The following FRG2 variants were observed in gnomAD, a reference collection of about 807,000 sequenced individuals.
FRG2 encodes the protein FSHD region gene 2.
Under a neutral mutation model 24.9 loss-of-function variants are expected in FRG2, and 9 were observed. That is an observed-to-expected ratio of 0.36 (90% CI 0.22 to 0.63). The LOEUF is 0.63. Ranked by LOEUF, FRG2 falls within the 20% of genes least tolerant of loss-of-function variation. FRG2 has a pLI of 0.68. For synonymous variants in FRG2, 51 were observed against 117.2 expected, an observed-to-expected ratio of 0.44 and a Z score of 3.65; for missense variants, 126 against 305.4, an observed-to-expected ratio of 0.41 and a Z score of 4.38.
In FRG2 at chr4:190,024,898, A is replaced by G. The variant is rs1432281105; in HGVS notation, c.*663T>C. 1 of 144,026 alleles carries G rather than the reference A, an allele frequency of 6.9e-6. No homozygotes were observed. 8.9% of individuals were successfully genotyped at this position (144,026 alleles called of 1,614,324 possible). A position where few individuals can be genotyped will look rare whatever the true frequency, so the allele number is the denominator to read the frequency against. On this transcript the variant is annotated 3_prime_UTR_variant, in exon 4 of 4. Transcript: ENST00000504750. ...CCTTTTCTGGATTAAAAGAGAAGCA[A>G]TTTCTTGGTAAGGCGGCTCATGCCT...
In FRG2 at chr4:190,025,739, T is replaced by G. The variant is rs1739501699; in HGVS notation, c.662A>C (p.Gln221Pro). 2 of 1,605,804 alleles carry G rather than the reference T, an allele frequency of 1.2e-6. No homozygotes were observed. The highest frequency in any genetic ancestry group is 1.7e-6 in the Non-Finnish European group (2 of 1,176,836). The change falls in exon 4 of 4, where the codon CAG (glutamine) becomes CCG (proline). Residue 221 changes from glutamine to proline, a missense_variant. Coordinates refer to ENST00000504750, the MANE Select transcript of FRG2 (RefSeq NM_001286820.2). ...LTRLRGPLCA[Q>P]VQTLYSMATQ... ...GGCCATGGAATACAAGGTCTGCACCTGGGCACACAGAGGCCCCCGGAGCCG... is the reference window on the plus strand; with the variant it reads ...GGCCATGGAATACAAGGTCTGCACCGGGGCACACAGAGGCCCCCGGAGCCG...
Position 190,025,954 on chromosome 4 carries a change from A to T in FRG2, c.447T>A (p.His149Gln). ...QETCDAHHRG[H>Q]SRACTGHSKR... ...TGCTGTGCCCAGTGCAAGCCCTGGA[A>T]TGTCCCCTATGGTGGGCATCACAGG... is the stretch of plus-strand genomic sequence containing the variant. The change falls in exon 4 of 4, where the codon CAT (histidine) becomes CAA (glutamine). Residue 149 changes from histidine (H) to glutamine (Q), a missense_variant. Around this residue, in one of 4 missense-constraint regions of FRG2, gnomAD observed 75 missense variants for 89.1 expected, o/e 0.84. Coordinates refer to ENST00000504750, the MANE Select transcript of FRG2 (RefSeq NM_001286820.2). 6.2e-7 allele frequency: 1 copy of T among 1,614,042 alleles called. No homozygotes were observed. Among genetic ancestry groups the T allele is most frequent in the South Asian group, 1.1e-5 (1 of 91,080 alleles).
chr4:190,026,081 T>C lies in FRG2; in HGVS notation c.335-15A>G. ...TGGACAGTTCCCTGCAAAGAAAGCA[T>C]GTGAGAGACTCACCAGAGCAGTCCC... On this transcript the variant is annotated splice_polypyrimidine_tract_variant and intron_variant, in intron 3 of 3. Coordinates refer to ENST00000504750, the MANE Select transcript of FRG2 (RefSeq NM_001286820.2). 1 of 1,593,412 alleles carries C rather than the reference T, an allele frequency of 6.3e-7. No individual in the cohort carries two copies. Among genetic ancestry groups the C allele is most frequent in the South Asian group, 1.1e-5 (1 of 88,408 alleles).
chr4:190,026,328 G>A, intron 3 of FRG2, 56 bp downstream of exon 3: 4 of 1,602,378 alleles, frequency 2.5e-6, no homozygotes, highest in Non-Finnish European at 3.4e-6. Context: ...TTGCCTTTTG[G>A]GGCAAACCAA....
In FRG2 at chr4:190,025,882, T is replaced by C; in HGVS notation, c.519A>G (p.Arg173=). The C allele has an allele frequency of 6.2e-7, 1 of 1,614,016 alleles. No individual in the cohort carries two copies. Among genetic ancestry groups the C allele is most frequent in the East Asian group, 2.2e-5 (1 of 44,894 alleles). Residue 173 remains arginine, a synonymous_variant, in exon 4 of 4, where the codon CGA becomes CGG. Transcript: ENST00000504750. ...CTCGCACAGAAGTCACCAAGCTTTT[T>C]CGAATTGACGGTGTTTGGACTCCTA... The part of the protein sequence containing the change: ...RALGVQTPSI[R]KSLVTSVRAM...
chr4:190,025,924 C>A lies in FRG2; in HGVS notation c.477G>T (p.Arg159=), dbSNP rs1270001926. The A allele has an allele frequency of 1.6e-5, 26 of 1,614,032 alleles. No homozygotes were observed. Among genetic ancestry groups the A allele is most frequent in the Non-Finnish European group, 2.1e-5 (25 of 1,179,884 alleles). Residue 159 remains arginine (R), a synonymous_variant, in exon 4 of 4, where the codon CGG becomes CGT. Transcript: ENST00000504750. The stretch of plus-strand genomic sequence containing the variant: ...GGACTCCTAGGGCCCGAGACCTATG[C>A]CGCTTGCTGTGCCCAGTGCAAGCCC... The part of the protein sequence containing the change: ...HSRACTGHSK[R]HRSRALGVQT...
Position 190,025,974 on chromosome 4 carries a change from C to T in FRG2, c.427G>A (p.Asp143Asn). 6.2e-7 allele frequency: 1 copy of T among 1,614,032 alleles called. No individual in the cohort carries two copies. Among genetic ancestry groups the T allele is most frequent in the Middle Eastern group, 1.7e-4 (1 of 6,056 alleles). The change falls in exon 4 of 4, where the codon GAT becomes AAT. Residue 143 changes from aspartate to asparagine, a missense_variant. Around this residue, in one of 4 missense-constraint regions of FRG2, gnomAD observed 75 missense variants for 89.1 expected, o/e 0.84. Coordinates refer to ENST00000504750, the MANE Select transcript of FRG2 (RefSeq NM_001286820.2). Reference protein sequence around the residue: ...VHNSEIQETCDAHHRGHSRAC... With the variant: ...VHNSEIQETCNAHHRGHSRAC... ...CTGGAATGTCCCCTATGGTGGGCAT[C>T]ACAGGTCTCCTGGATTTCACTGTTG...
At position 190,027,182 on chromosome 4, in the gene FRG2, G is replaced by A; in HGVS notation, c.23C>T (p.Ser8Phe). The A allele has an allele frequency of 6.2e-7, 1 of 1,610,628 alleles. No individual in the cohort carries two copies. The change falls in exon 1 of 4, where the codon TCC (serine) becomes TTC (phenylalanine). Residue 8 changes from serine (S) to phenylalanine (F), a missense_variant. Physicochemically the swap from Ser to Phe is radical, Grantham distance 155. Coordinates refer to ENST00000504750, the MANE Select transcript of FRG2 (RefSeq NM_001286820.2). ...CTGGATGGAGGAGCAGTGGAGATCG[G>A]AGTCTTCATTTCCCTTTCCCATGTT... Reference protein sequence around the residue: MGKGNEDSDLHCSSIQCS... With the variant: MGKGNEDFDLHCSSIQCS...
At position 190,025,192 on chromosome 4, in the gene FRG2, A is replaced by C. The variant is rs537053316; in HGVS notation, c.*369T>G. On this transcript the variant is annotated 3_prime_UTR_variant, in exon 4 of 4. Coordinates refer to ENST00000504750, the MANE Select transcript of FRG2 (RefSeq NM_001286820.2). ...GCAAGACTGTCTCAAAAAAAAAAAA[A>C]AACAAAAAAGGAGCACATAATTTTA... is the stretch of plus-strand genomic sequence containing the variant. The C allele has an allele frequency of 2.3e-5, 3 of 130,778 alleles. No homozygotes were observed. The highest frequency in any genetic ancestry group is 4.3e-5 in the Non-Finnish European group (3 of 69,306). The allele number at this position is 130,778 out of a possible 1,614,324, so 8.1% of individuals were successfully genotyped here.
chr4:190,025,475 TG>T lies in FRG2; in HGVS notation c.*85del, dbSNP rs1739488244. On this transcript the variant is annotated 3_prime_UTR_variant, in exon 4 of 4. Coordinates refer to ENST00000504750, the MANE Select transcript of FRG2 (RefSeq NM_001286820.2). The stretch of plus-strand genomic sequence containing the variant: ...AACACAGTGTGTCTAAAATTGTCAC[TG>T]CTGGTCATCTGGAAGAATCTGAGAA... The T allele has an allele frequency of 6.4e-6, 3 of 468,768 alleles. No individual in the cohort carries two copies. Among genetic ancestry groups the T allele is most frequent in the Non-Finnish European group, 1.1e-5 (3 of 278,738 alleles). The allele number at this position is 468,768 out of a possible 1,614,324, so 29.0% of individuals were successfully genotyped here. A position where few individuals can be genotyped will look rare whatever the true frequency, so the allele number is the denominator to read the frequency against.
chr4:190,025,956 G>A lies in FRG2; in HGVS notation c.445C>T (p.His149Tyr). The change falls in exon 4 of 4, where the codon CAT (histidine) becomes TAT (tyrosine). Residue 149 changes from histidine to tyrosine, a missense_variant. Physicochemically the swap from His to Tyr is moderately conservative, Grantham distance 83. Around this residue, in one of 4 missense-constraint regions of FRG2, gnomAD observed 75 missense variants for 89.1 expected, o/e 0.84. Coordinates refer to ENST00000504750, the MANE Select transcript of FRG2 (RefSeq NM_001286820.2). ...CTGTGCCCAGTGCAAGCCCTGGAAT[G>A]TCCCCTATGGTGGGCATCACAGGTC... The part of the protein sequence containing the change: ...QETCDAHHRG[H>Y]SRACTGHSKR... 6.2e-7 allele frequency: 1 copy of A among 1,614,038 alleles called. No homozygotes were observed. Among genetic ancestry groups the A allele is most frequent in the Middle Eastern group, 1.7e-4 (1 of 6,056 alleles).
chr4:190,025,696 G>A lies in FRG2; in HGVS notation c.705C>T (p.Val235=). The A allele has an allele frequency of 6.3e-7, 1 of 1,577,536 alleles. No individual in the cohort carries two copies. The highest frequency in any genetic ancestry group is 8.6e-7 in the Non-Finnish European group (1 of 1,161,012). Residue 235 remains valine (V), a synonymous_variant, in exon 4 of 4, where the codon GTC becomes GTT. Transcript: ENST00000504750. ...LYSMATQAAY[V]FPAESWLVPA... ...GGACAAGCCAGCTCTCAGCAGGGAA[G>A]ACATAAGCTGCCTGGGTGGCCATGG...
chr4:190,026,070 CAAAG>C lies in FRG2; in HGVS notation c.335-8_335-5del, dbSNP rs1739526724. 1 of 1,601,018 alleles carries C rather than the reference CAAAG, an allele frequency of 6.2e-7. No homozygotes were observed. Among genetic ancestry groups the C allele is most frequent in the Admixed American group, 1.7e-5 (1 of 59,002 alleles). ...CACTCCTTTTCTGGACAGTTCCCTG[CAAAG>C]AAAGCATGTGAGAGACTCACCAGAG... On this transcript the variant is annotated splice_polypyrimidine_tract_variant and splice_region_variant and intron_variant, in intron 3 of 3. Transcript: ENST00000504750.
Position 190,024,400 on chromosome 4 carries a change from TA to T in FRG2, c.*1160del, listed in dbSNP as rs1739429511. On this transcript the variant is annotated 3_prime_UTR_variant, in exon 4 of 4. Coordinates refer to ENST00000504750, the MANE Select transcript of FRG2 (RefSeq NM_001286820.2). ...ATACAAATTCCATATGAAAGAAATT[TA>T]AAATTCCAAACAACATTGTTTATTT... The T allele has an allele frequency of 6.6e-6, 1 of 151,740 alleles. No homozygotes were observed. Among genetic ancestry groups the T allele is most frequent in the Non-Finnish European group, 1.5e-5 (1 of 67,928 alleles). 9.4% of individuals were successfully genotyped at this position (151,740 alleles called of 1,614,324 possible). A position where few individuals can be genotyped will look rare whatever the true frequency, so the allele number is the denominator to read the frequency against.
rs1739433756 is a variant in FRG2 at position 190,024,456 on chromosome 4, C to T, written c.*1105G>A. 1 of 149,922 alleles carries T rather than the reference C, an allele frequency of 6.7e-6. No individual in the cohort carries two copies. Among genetic ancestry groups the T allele is most frequent in the African/African-American group, 2.4e-5 (1 of 40,896 alleles). The allele number at this position is 149,922 out of a possible 1,614,324, so 9.3% of individuals were successfully genotyped here. On this transcript the variant is annotated 3_prime_UTR_variant, in exon 4 of 4. Transcript: ENST00000504750. Reference sequence around the variant, plus strand: ...ACATAAAATGAAAATTATAAAGCAACCAAACAATTAATACACTTAGATAAT... The same window carrying T: ...ACATAAAATGAAAATTATAAAGCAATCAAACAATTAATACACTTAGATAAT...
At position 190,026,080 on chromosome 4, in the gene FRG2, A is replaced by T; in HGVS notation, c.335-14T>A. ...CTGGACAGTTCCCTGCAAAGAAAGC[A>T]TGTGAGAGACTCACCAGAGCAGTCC... On this transcript the variant is annotated splice_polypyrimidine_tract_variant and intron_variant, in intron 3 of 3. Coordinates refer to ENST00000504750, the MANE Select transcript of FRG2 (RefSeq NM_001286820.2). 5 of 1,595,782 alleles carry T rather than the reference A, an allele frequency of 3.1e-6. No individual in the cohort carries two copies. Among genetic ancestry groups the T allele is most frequent in the Non-Finnish European group, 4.3e-6 (5 of 1,169,648 alleles).
At chr4:190,026,987 CCCT>C (rs1739572334) in intron 1 of FRG2, 37 bp downstream of exon 1, 1 of 1,017,902 alleles carries the variant, frequency 9.8e-7, no homozygotes, top group African/African-American at 1.9e-5. Flanking sequence ...CTGATTCCAA[CCCT>C]CCTTCCAGAC....
In FRG2 at chr4:190,025,667, G is replaced by T; in HGVS notation, c.734C>A (p.Ala245Asp). The change falls in exon 4 of 4, where the codon GCC becomes GAC. Residue 245 changes from alanine (A) to aspartate (D), a missense_variant. Ala to Asp is a moderately radical substitution (Grantham distance 126). Around this residue, in one of 4 missense-constraint regions of FRG2, gnomAD observed 30 missense variants for 107.1 expected, o/e 0.28. Transcript: ENST00000504750. ...VFPAESWLVPATLPGPGESAL... is the reference protein window; with the variant it reads ...VFPAESWLVPDTLPGPGESAL... ...TGATTCCCCAGGACCTGGCAGTGTG[G>T]CTGGGACAAGCCAGCTCTCAGCAGG... 6.6e-7 allele frequency: 1 copy of T among 1,508,874 alleles called. No homozygotes were observed. Among genetic ancestry groups the T allele is most frequent in the Non-Finnish European group, 9.0e-7 (1 of 1,114,004 alleles). 93.5% of individuals were successfully genotyped at this position (1,508,874 alleles called of 1,614,324 possible). A position where few individuals can be genotyped will look rare whatever the true frequency, so the allele number is the denominator to read the frequency against.
At position 190,025,174 on chromosome 4, in the gene FRG2, T is replaced by C; in HGVS notation, c.*387A>G. ...TCCAGCCTGGGTAACATAGCAAGAC[T>C]GTCTCAAAAAAAAAAAAAAACAAAA... On this transcript the variant is annotated 3_prime_UTR_variant, in exon 4 of 4. Coordinates refer to ENST00000504750, the MANE Select transcript of FRG2 (RefSeq NM_001286820.2). 7.8e-6 allele frequency: 1 copy of C among 128,798 alleles called. No individual in the cohort carries two copies. Among genetic ancestry groups the C allele is most frequent in the Admixed American group, 1.0e-4 (1 of 9,778 alleles). The allele number at this position is 128,798 out of a possible 1,614,324, so 8.0% of individuals were successfully genotyped here. A position where few individuals can be genotyped will look rare whatever the true frequency, so the allele number is the denominator to read the frequency against.
Sources: gnomAD v4.1 joint callset for allele counts on GRCh38, gnomAD v4.1.1 for gene constraint, gnomAD v4.1.1 regional missense constraint, MANE v1.5 for transcripts, NCBI Gene and HGNC (gene_info 2026-07-23, HGNC 2026-07-21) for gene names.